Variants in CSMD1 observed in about 807,000 individuals in gnomAD.
The protein encoded by CSMD1 is CUB and Sushi multiple domains 1, also known as CUB and sushi domain-containing protein 1.
A neutral mutation model predicts 417.5 loss-of-function variants in CSMD1; 213 were observed. That is an observed-to-expected ratio of 0.51 (90% confidence interval 0.46 to 0.57). The LOEUF (loss-of-function observed/expected upper bound fraction) is 0.57, where lower values mean the gene tolerates loss of function less well. CSMD1 is among the 20% of genes least tolerant of loss of function. The pLI, the probability that CSMD1 is intolerant of heterozygous loss-of-function variation, is 0.00. For missense variants in CSMD1, 6,923 were observed against 4,529.7 expected (o/e 1.53, Z -15.17); for synonymous variants, 2,862 against 1,736.8 (o/e 1.65, Z -16.11).
Position 4,609,522 on chromosome 8 carries a change from C to A in CSMD1, c.302+27820G>T, listed in dbSNP as rs898216463. On this transcript the variant is annotated intron_variant, in intron 2 of 69. Coordinates refer to ENST00000635120, the MANE Select transcript of CSMD1 (RefSeq NM_033225.6). ...AACTCACTAATTAGCTATTAAACAACACTATGCTTTCTTTATTGTACTAAA... is the reference window on the plus strand; with the variant it reads ...AACTCACTAATTAGCTATTAAACAAAACTATGCTTTCTTTATTGTACTAAA... 2.0e-5 allele frequency among the ~76,000 whole-genome samples: 3 copies of A among 152,162 alleles called. No individual in the cohort carries two copies. The South Asian group carries it at 6.2e-4, about 32-fold the overall frequency.
chr8:3,839,411 AAAAT>A (rs1407326712), intron 5 of CSMD1, among the ~76,000 whole-genome samples: 49 of 124,344 alleles, frequency 3.9e-4, no homozygotes, highest in African/African-American at 1.5e-3. Flanking sequence ...TATATAATAA[AAAAT>A]AAATATATAT....
chr8:3,650,123 A>G (rs1191241190), intron 7 of CSMD1, among the ~76,000 whole-genome samples: 3 of 152,098 alleles, frequency 2.0e-5, no homozygotes, highest in Non-Finnish European at 4.4e-5. Context: ...TACTAAAAAT[A>G]CAAAACTTAG....
intron 21 of CSMD1, among the ~76,000 whole-genome samples, chr8:3,357,027 G>C (rs1808841278): frequency 6.6e-6 from 1 of 152,108 alleles, no homozygotes; most frequent in Admixed American, 6.6e-5. Flanking sequence ...GGGGACTGCG[G>C]GGTTCTGGAG....
At position 4,002,907 on chromosome 8, in the gene CSMD1, C is replaced by G. The variant is rs542096280; in HGVS notation, c.611-4797G>C. 1.4e-4 allele frequency among the ~76,000 whole-genome samples: 21 copies of G among 152,206 alleles called. No homozygotes were observed. In the East Asian group the frequency reaches 1.9e-3, roughly 14 times the overall value. On this transcript the variant is annotated intron_variant, in intron 4 of 69. Transcript: ENST00000635120. ...TACATTAAAATATAATATATGGTCT[C>G]AAATTAAGCATTATCTCAACTAAAC...
chr8:3,818,605 G>T (rs1248687629), intron 5 of CSMD1, among the ~76,000 whole-genome samples: 1 of 151,870 alleles, frequency 6.6e-6, no homozygotes, highest in African/African-American at 2.4e-5. Context: ...GCTAGAAAAG[G>T]GAGAAACAGG....
chr8:3,583,465 G>A (rs984759689), intron 9 of CSMD1, among the ~76,000 whole-genome samples: 4 of 152,022 alleles, frequency 2.6e-5, no homozygotes, highest in African/African-American at 9.7e-5. Flanking sequence ...ACCGAAAGAG[G>A]TGGCAGAAGC....
intron 5 of CSMD1, among the ~76,000 whole-genome samples, chr8:3,885,951 G>T (rs1007481600): frequency 5.3e-5 from 8 of 151,324 alleles, no homozygotes; most frequent in African/African-American, 1.9e-4. Flanking sequence ...ATAAGTTATG[G>T]GCATAAATCA....
In CSMD1 at chr8:2,973,167, C is replaced by T. The variant is rs1314916127; in HGVS notation, c.8873G>A (p.Arg2958His). 4 of 1,613,730 alleles carry T rather than the reference C, an allele frequency of 2.5e-6. No individual in the cohort carries two copies. The highest frequency in any genetic ancestry group is 3.4e-6 in the Non-Finnish European group (4 of 1,179,726). Residue 2958 changes from arginine (R) to histidine (H), a missense_variant, in exon 57 of 70, where the codon CGC (arginine) becomes CAC (histidine). Arg to His is a conservative substitution (Grantham distance 29). Coordinates refer to ENST00000635120, the MANE Select transcript of CSMD1 (RefSeq NM_033225.6). ...MGHQLRGSPE[R>H]TCLLNGSWSG... ...CCATGACCCATTGAGCAAACACGTG[C>T]GTTCAGGGGAGCCCCTCAGCTGGTG...
At chr8:3,059,899 T>G (rs1381502737) in intron 49 of CSMD1, among the ~76,000 whole-genome samples, 1 of 151,966 alleles carries the variant, frequency 6.6e-6, no homozygotes, top group Non-Finnish European at 1.5e-5. Flanking sequence ...TCAGGGCAAG[T>G]AGATTCAGGG....
At chr8:3,765,897 T>C (rs1258932556) in intron 5 of CSMD1, among the ~76,000 whole-genome samples, 1 of 152,014 alleles carries the variant, frequency 6.6e-6, no homozygotes, top group Non-Finnish European at 1.5e-5. Flanking sequence ...GGTATGAGAG[T>C]CCATCTCAAA....
chr8:3,478,594 CAG>C (rs1563076779), intron 11 of CSMD1, among the ~76,000 whole-genome samples: 1 of 152,158 alleles, frequency 6.6e-6, no homozygotes, highest in African/African-American at 2.4e-5. Context: ...CGATCACAAA[CAG>C]AAGGCCACTC....
chr8:4,815,067 G>C (rs990184502), intron 1 of CSMD1, among the ~76,000 whole-genome samples: 2 of 152,068 alleles, frequency 1.3e-5, no homozygotes, highest in African/African-American at 4.8e-5. Context: ...GAGGAAATTA[G>C]GTAGTATCCC....
At chr8:3,904,146 T>C (rs1165633480) in intron 5 of CSMD1, among the ~76,000 whole-genome samples, 1 of 152,172 alleles carries the variant, frequency 6.6e-6, no homozygotes, top group Non-Finnish European at 1.5e-5. Flanking sequence ...TTTGGATAAA[T>C]ATTATTTTCA....
rs188973030 is a variant in CSMD1 at position 4,798,280 on chromosome 8, C to T, written c.86-160722G>A. On this transcript the variant is annotated intron_variant, in intron 1 of 69. Transcript: ENST00000635120. ...ATGCGGTGTTTGTTTTCTGTCCTTG[C>T]GCTAGTTTGCTGAGAATGATGGTTT... 4.1e-3 allele frequency among the ~76,000 whole-genome samples: 622 copies of T among 152,218 alleles called. 3 individuals are homozygous for T. The highest frequency in any genetic ancestry group is 7.0e-3 in the Non-Finnish European group (473 of 68,016).
chr8:4,093,046 T>C (rs1331038655), intron 3 of CSMD1, among the ~76,000 whole-genome samples: 4 of 152,198 alleles, frequency 2.6e-5, no homozygotes, highest in Admixed American at 6.5e-5. Context: ...TTGTTGGTTA[T>C]TGCATAGTTT....
intron 51 of CSMD1, among the ~76,000 whole-genome samples, chr8:3,022,180 A>G (rs1809483086): frequency 6.9e-6 from 1 of 145,382 alleles, no homozygotes; most frequent in Non-Finnish European, 1.5e-5. Flanking sequence ...TGCACCGGCA[A>G]TCCCACAGCA....
chr8:4,740,351 A>C (rs528449173), intron 1 of CSMD1, among the ~76,000 whole-genome samples: 31 of 152,292 alleles, frequency 2.0e-4, no homozygotes, highest in Non-Finnish European at 3.8e-4. Flanking sequence ...AGCCATTTAA[A>C]TCCAAGGATT....
At chr8:3,550,956 C>G (rs1355345597) in intron 10 of CSMD1, among the ~76,000 whole-genome samples, 1 of 152,032 alleles carries the variant, frequency 6.6e-6, no homozygotes, top group Non-Finnish European at 1.5e-5. Flanking sequence ...AGATGACAAA[C>G]CACTACTCAA....
At chr8:4,152,747 T>C (rs1285759193) in intron 3 of CSMD1, among the ~76,000 whole-genome samples, 1 of 151,296 alleles carries the variant, frequency 6.6e-6, no homozygotes, top group Non-Finnish European at 1.5e-5. Context: ...TATACGTCCA[T>C]AGTAATATAT....
Sources: allele counts gnomAD v4.1 joint callset (sites outside exome capture counted in the v4.1 genomes callset), GRCh38; gene constraint gnomAD v4.1.1; transcripts MANE v1.5; gene names NCBI Gene and HGNC (gene_info 2026-07-23, HGNC 2026-07-21).